Variants in RABGAP1L observed in about 807,000 individuals in gnomAD.
The protein encoded by RABGAP1L is rab GTPase-activating protein 1-like.
RABGAP1L carries 63 observed loss-of-function variants against 137.7 expected under a neutral mutation model. The ratio of observed to expected loss-of-function variants is 0.46; its 90% CI spans 0.37 to 0.56. The LOEUF (loss-of-function observed/expected upper bound fraction) is 0.56. Ranked by LOEUF, RABGAP1L falls within the 20% of genes least tolerant of loss-of-function variation. The pLI is 0.00. For synonymous variants in RABGAP1L, 431 were observed against 433.7 expected (o/e 0.99, Z 0.08); for missense variants, 1,095 against 1,244.0 (o/e 0.88, Z 1.80).
At chr1:174,602,669 A>G (rs1029283979) in intron 13 of RABGAP1L, among the ~76,000 whole-genome samples, 3 of 152,018 alleles carry the variant, frequency 2.0e-5, no homozygotes, top group Non-Finnish European at 4.4e-5. Flanking sequence ...ATTTATTTTC[A>G]GATACATGTC....
intron 19 of RABGAP1L, among the ~76,000 whole-genome samples, chr1:174,844,015 A>C (rs1280535027): frequency 6.8e-6 from 1 of 147,758 alleles, no homozygotes. Context: ...TTTTGGCTGC[A>C]TAAATGTCTT....
chr1:174,929,616 C>T (rs564559808), intron 19 of RABGAP1L, among the ~76,000 whole-genome samples: 4 of 151,650 alleles, frequency 2.6e-5, no homozygotes, highest in East Asian at 2.0e-4. Flanking sequence ...TAGTGGCATG[C>T]GCCTGTAGTC....
chr1:174,494,528 G>C (rs1034423343), intron 13 of RABGAP1L, among the ~76,000 whole-genome samples: 1 of 152,134 alleles, frequency 6.6e-6, no homozygotes, highest in Non-Finnish European at 1.5e-5. Context: ...TGAATATCTG[G>C]TTTCAGAGTC....
At chr1:174,384,072 C>G (rs982909471) in intron 12 of RABGAP1L, among the ~76,000 whole-genome samples, 1 of 152,176 alleles carries the variant, frequency 6.6e-6, no homozygotes, top group Non-Finnish European at 1.5e-5. Flanking sequence ...GTGGTATATT[C>G]ATTGTATGGA....
chr1:174,603,383 T>G (rs903163364), intron 13 of RABGAP1L, among the ~76,000 whole-genome samples: 1 of 152,146 alleles, frequency 6.6e-6, no homozygotes, highest in African/African-American at 2.4e-5. Context: ...CTACCATCAC[T>G]TGGACTGTGG....
rs1669716215 is a variant in RABGAP1L at position 174,221,065 on chromosome 1, C to G, written c.232C>G (p.Gln78Glu). ...KRPSSLLVDC[Q>E]SSSEISDHSF... ...GCCAAGCAGTCTTCTTGTTGATTGT[C>G]AAAGTTCCAGTGAGATTTCAGACCA... The change falls in exon 3 of 26, where the codon CAA becomes GAA. Residue 78 changes from glutamine (Q) to glutamate (E), a missense_variant. Around this residue, in one of 4 missense-constraint regions of RABGAP1L, gnomAD observed 356 missense variants for 326.3 expected, o/e 1.09. Coordinates refer to ENST00000681986, the MANE Select transcript of RABGAP1L (RefSeq NM_001366446.1). 1.2e-6 allele frequency: 2 copies of G among 1,613,900 alleles called. No homozygotes were observed. Among genetic ancestry groups the G allele is most frequent in the Non-Finnish European group, 1.7e-6 (2 of 1,179,916 alleles).
At chr1:174,784,091 C>G (rs950389313) in intron 18 of RABGAP1L, among the ~76,000 whole-genome samples, 5 of 137,208 alleles carry the variant, frequency 3.6e-5, no homozygotes, top group African/African-American at 1.4e-4. Context: ...GCGATCTCGG[C>G]TCGCTACAAG....
rs73037331 is a variant in RABGAP1L, at chr1:174,940,328, G to C, written c.2341-17129G>C. Reference sequence around the variant, plus strand: ...CACCCAGGCTGGAATGCAGTTGCACGATCAATCATAGCTCACTGCAACCTC... The same window carrying C: ...CACCCAGGCTGGAATGCAGTTGCACCATCAATCATAGCTCACTGCAACCTC... On this transcript the variant is annotated intron_variant, in intron 19 of 25. Transcript: ENST00000681986. Among the ~76,000 whole-genome samples, 801 of 150,592 alleles carry C rather than the reference G, an allele frequency of 5.3e-3. 9 individuals carry two copies. The highest frequency in any genetic ancestry group is 0.018 in the African/African-American group (757 of 40,970).
chr1:174,299,032 C>G (rs1432541353), intron 10 of RABGAP1L, among the ~76,000 whole-genome samples: 3 of 152,228 alleles, frequency 2.0e-5, no homozygotes, highest in South Asian at 4.1e-4. Flanking sequence ...CGTGATTTCT[C>G]TCTGTCTAGT....
At chr1:174,622,359 T>C (rs1388133115) in intron 13 of RABGAP1L, among the ~76,000 whole-genome samples, 3 of 152,224 alleles carry the variant, frequency 2.0e-5, no homozygotes, top group South Asian at 2.1e-4. Context: ...ACTGGGTATA[T>C]ACCCAAAGGA....
chr1:174,525,827 C>A (rs1258838171), intron 13 of RABGAP1L, among the ~76,000 whole-genome samples: 1 of 152,024 alleles, frequency 6.6e-6, no homozygotes, highest in Non-Finnish European at 1.5e-5. Flanking sequence ...AGTTTGTTGA[C>A]AGTTTTTATC....
At chr1:174,423,754 A>C (rs1380294897) in intron 13 of RABGAP1L, among the ~76,000 whole-genome samples, 1 of 151,888 alleles carries the variant, frequency 6.6e-6, no homozygotes, top group African/African-American at 2.4e-5. Context: ...AGGGAATGCT[A>C]TTCTGTAAAA....
At chr1:174,806,452 A>G (rs896565035) in intron 18 of RABGAP1L, among the ~76,000 whole-genome samples, 31 of 152,256 alleles carry the variant, frequency 2.0e-4, no homozygotes, top group African/African-American at 6.5e-4. Context: ...ACAAACAAAA[A>G]AACAAATTTG....
intron 11 of RABGAP1L, chr1:174,367,577 G>T: frequency 3.7e-6 from 1 of 270,178 alleles, no homozygotes; most frequent in Non-Finnish European, 7.3e-6. Flanking sequence ...TAGCTGGTTA[G>T]GTCTCTTGAG....
chr1:174,331,380 A>G (rs1435871159), intron 11 of RABGAP1L, among the ~76,000 whole-genome samples: 3 of 152,254 alleles, frequency 2.0e-5, no homozygotes, highest in Non-Finnish European at 2.9e-5. Context: ...GAAAAAATCA[A>G]CAATGAAGAG....
At chr1:174,866,931 TA>T (rs143689877) in intron 19 of RABGAP1L, among the ~76,000 whole-genome samples, 18 of 123,498 alleles carry the variant, frequency 1.5e-4, no homozygotes, top group Non-Finnish European at 2.0e-4. Flanking sequence ...TTTTTTTTTT[TA>T]AATTTAAAAA....
intron 11 of RABGAP1L, among the ~76,000 whole-genome samples, chr1:174,325,950 G>A (rs1279092633): frequency 6.6e-6 from 1 of 152,206 alleles, no homozygotes; most frequent in African/African-American, 2.4e-5. Context: ...GGGACCTTCC[G>A]TGGGTCTATC....
At chr1:174,343,032 C>T (rs1211703258) in intron 11 of RABGAP1L, among the ~76,000 whole-genome samples, 1 of 151,210 alleles carries the variant, frequency 6.6e-6, no homozygotes, top group East Asian at 1.9e-4. Context: ...AGCCACTGCA[C>T]CTAGCCAGAA....
At chr1:174,941,350 A>C (rs932601226) in intron 19 of RABGAP1L, among the ~76,000 whole-genome samples, 3 of 152,226 alleles carry the variant, frequency 2.0e-5, no homozygotes, top group African/African-American at 7.2e-5. Flanking sequence ...CCTAATGAGG[A>C]GATAACTACT....
Sources: allele counts gnomAD v4.1 joint callset (sites outside exome capture counted in the v4.1 genomes callset), GRCh38; gene constraint gnomAD v4.1.1; regional missense constraint gnomAD v4.1.1; transcripts MANE v1.5; gene names NCBI Gene and HGNC (gene_info 2026-07-23, HGNC 2026-07-21).